Variants in ILDR2 observed in about 807,000 individuals in gnomAD.
ILDR2 encodes the protein immunoglobulin like domain containing receptor 2.
ILDR2 carries 25 observed loss-of-function variants against 66.8 expected under a neutral mutation model. That is an observed-to-expected ratio of 0.37 (90% CI 0.27 to 0.52). The LOEUF is 0.52. ILDR2 is among the 20% of genes least tolerant of loss of function. ILDR2 has a pLI of 0.88. For synonymous variants in ILDR2, 367 were observed against 357.2 expected, an observed-to-expected ratio of 1.03 and a Z score of -0.31; for missense variants, 827 against 876.8, an observed-to-expected ratio of 0.94 and a Z score of 0.72.
In ILDR2 at chr1:166,925,391, G is replaced by A. The variant is rs930836300; in HGVS notation, c.994+1676C>T. Among the ~76,000 whole-genome samples the A allele has an allele frequency of 3.9e-5, 6 of 152,176 alleles. No homozygotes were observed. The East Asian group carries it at 1.2e-3, about 29-fold the overall frequency. On this transcript the variant is annotated intron_variant, in intron 7 of 9. Transcript: ENST00000271417. Reference sequence around the variant, plus strand: ...AACTTGCAGGTTCCAGGAGATCAGGGTTCCAGTTCTGGCACTGGCACTGAG... The same window carrying A: ...AACTTGCAGGTTCCAGGAGATCAGGATTCCAGTTCTGGCACTGGCACTGAG...
At chr1:166,949,359 TCTAA>T (rs1345028074) in intron 3 of ILDR2, among the ~76,000 whole-genome samples, 5 of 152,406 alleles carry the variant, frequency 3.3e-5, no homozygotes, top group South Asian at 2.1e-4. Context: ...TGTATTGTTC[TCTAA>T]CTGCTTCAGA....
At position 166,921,162 on chromosome 1, in the gene ILDR2, A is replaced by G. The variant is rs1264707139; in HGVS notation, c.1429T>C (p.Tyr477His). The G allele has an allele frequency of 6.5e-7, 1 of 1,544,426 alleles. No homozygotes were observed. The highest frequency in any genetic ancestry group is 1.9e-5 in the Admixed American group (1 of 51,846). Residue 477 changes from tyrosine (Y) to histidine (H), a missense_variant, in exon 9 of 10, where the codon TAC (tyrosine) becomes CAC (histidine). This residue lies in a region of ILDR2 where 390 missense variants were observed against 353.6 expected (regional missense o/e 1.10). Coordinates refer to ENST00000271417, the MANE Select transcript of ILDR2 (RefSeq NM_199351.3). The surrounding 1 kb of genome is among the most constrained non-coding windows in gnomAD (Gnocchi z 5.3). ...CGGCTGCGGCTGCGCTGACCGTAGT[A>G]CTCCTCCAAGGAGTCGTCCTGGTAG... ...GFYQDDSLEE[Y>H]YGQRSRSREP...
At chr1:166,972,552 A>G (rs977100945) in intron 1 of ILDR2, among the ~76,000 whole-genome samples, 5 of 152,258 alleles carry the variant, frequency 3.3e-5, no homozygotes, top group African/African-American at 1.2e-4. Context: ...CAACATCACA[A>G]TGGCAATAAG....
chr1:166,896,091 TCTG>T (rs1659162330), exon 3 of ILDR2: 1 of 152,250 alleles, frequency 6.6e-6, no homozygotes, highest in African/African-American at 2.4e-5. Context: ...AGCTTCTGCT[TCTG>T]CTGTTTTCTG....
At position 166,915,527 on chromosome 1, in the gene ILDR2, T is replaced by G. The variant is rs371092701; in HGVS notation, c.*3828A>C. ...ACAGCAGCTATCAAGTTAATTCTTG[T>G]GGTTAGGCAATTTTGGGAAACACTA... is the stretch of plus-strand genomic sequence containing the variant. On this transcript the variant is annotated 3_prime_UTR_variant, in exon 10 of 10. Coordinates refer to ENST00000271417, the MANE Select transcript of ILDR2 (RefSeq NM_199351.3). 6.6e-6 allele frequency: 1 copy of G among 152,200 alleles called. No homozygotes were observed. Among genetic ancestry groups the G allele is most frequent in the Non-Finnish European group, 1.5e-5 (1 of 68,040 alleles). 9.4% of individuals were successfully genotyped at this position (152,200 alleles called of 1,614,324 possible).
rs1660950403 is a variant in ILDR2 at position 166,936,008 on chromosome 1, T to C, written c.704-531A>G. On this transcript the variant is annotated intron_variant, in intron 5 of 9. Coordinates refer to ENST00000271417, the MANE Select transcript of ILDR2 (RefSeq NM_199351.3). The surrounding 1 kb of genome is among the most constrained non-coding windows in gnomAD (Gnocchi z 5.0). ...ACACTAAAGATAACTGGTGTGCCTC[T>C]CTCTTTCAAGATGTGTTTGGTTTAT... 6.6e-6 allele frequency among the ~76,000 whole-genome samples: 1 copy of C among 152,224 alleles called. No individual in the cohort carries two copies. Among genetic ancestry groups the C allele is most frequent in the Admixed American group, 6.5e-5 (1 of 15,292 alleles).
Position 166,909,525 on chromosome 1 carries a change from G to C in ILDR2, c.*9830C>G, listed in dbSNP as rs1571258014. 6.6e-6 allele frequency: 1 copy of C among 151,608 alleles called. No homozygotes were observed. Among genetic ancestry groups the C allele is most frequent in the South Asian group, 2.1e-4 (1 of 4,798 alleles). The allele number at this position is 151,608 out of a possible 1,614,324, so 9.4% of individuals were successfully genotyped here. A position where few individuals can be genotyped will look rare whatever the true frequency, so the allele number is the denominator to read the frequency against. On this transcript the variant is annotated 3_prime_UTR_variant, in exon 10 of 10. Coordinates refer to ENST00000271417, the MANE Select transcript of ILDR2 (RefSeq NM_199351.3). ...CAAAAATTTTTTTACTAATACAGCT[G>C]CCAAAGGAATGAAACATAAGAGGCT...
At chr1:166,906,276 A>T (rs149812792), downstream of ILDR2, among the ~76,000 whole-genome samples, 1 of 152,362 alleles carries the variant, frequency 6.6e-6, no homozygotes, top group East Asian at 1.9e-4. Flanking sequence ...GGGCAACCAG[A>T]CACAAAAATA....
intron 2 of ILDR2, among the ~76,000 whole-genome samples, chr1:166,901,997 A>T (rs184463959): frequency 1.2e-4 from 19 of 152,292 alleles, no homozygotes; most frequent in Admixed American, 3.3e-4. Flanking sequence ...AGTAGCAGGG[A>T]TTACAGGCAT....
chr1:166,920,949 G>A lies in ILDR2; in HGVS notation c.1642C>T (p.Leu548=), dbSNP rs774849465. ...GCGCTCCGCTTGGATGGCGTCTCCA[G>A]GCTGCCACCGCGGCTGGCGCCCTCG... The part of the protein sequence containing the change: ...RPEGASRGGS[L]ETPSKRSAQL... Residue 548 remains leucine, a synonymous_variant, in exon 9 of 10, where the codon CTG becomes TTG. Transcript: ENST00000271417. 1.0e-5 allele frequency: 15 copies of A among 1,483,780 alleles called. No homozygotes were observed. Among genetic ancestry groups the A allele is most frequent in the Non-Finnish European group, 1.3e-5 (15 of 1,126,958 alleles). The allele number at this position is 1,483,780 out of a possible 1,614,324, so 91.9% of individuals were successfully genotyped here.
chr1:166,911,405 T>C lies in ILDR2; in HGVS notation c.*7950A>G, dbSNP rs1311388072. ...TTGCTGTGTATATATAGAGTCATTA[T>C]GGAGAAATGTAAGGCAGATAAGGAG... On this transcript the variant is annotated 3_prime_UTR_variant, in exon 10 of 10. Transcript: ENST00000271417. The C allele has an allele frequency of 6.6e-6, 1 of 152,206 alleles. No individual in the cohort carries two copies. The highest frequency in any genetic ancestry group is 2.4e-5 in the African/African-American group (1 of 41,452). 9.4% of individuals were successfully genotyped at this position (152,206 alleles called of 1,614,324 possible).
chr1:166,906,428 T>C (rs1178369458), downstream of ILDR2, among the ~76,000 whole-genome samples: 1 of 152,006 alleles, frequency 6.6e-6, no homozygotes, highest in Non-Finnish European at 1.5e-5. Flanking sequence ...AAAATGTATG[T>C]AAGAAAGTGC....
Position 166,968,909 on chromosome 1 carries a change from T to C in ILDR2, c.46+6314A>G, listed in dbSNP as rs115676811. On this transcript the variant is annotated intron_variant, in intron 1 of 9. Coordinates refer to ENST00000271417, the MANE Select transcript of ILDR2 (RefSeq NM_199351.3). The stretch of plus-strand genomic sequence containing the variant: ...AGCTGACTACAGGTCTCATATAATA[T>C]GAGCAAGAACTAAGTGTATGTTGTA... 2.2e-3 allele frequency among the ~76,000 whole-genome samples: 342 copies of C among 152,232 alleles called. 1 individual carries two copies. The highest frequency in any genetic ancestry group is 2.9e-3 in the Non-Finnish European group (197 of 68,022).
rs1354073502 is a variant in ILDR2, at chr1:166,921,329, C to G, written c.1262G>C (p.Gly421Ala). Residue 421 changes from glycine (G) to alanine (A), a missense_variant, in exon 9 of 10, where the codon GGG becomes GCG. This residue lies in a region of ILDR2 where 390 missense variants were observed against 353.6 expected (regional missense o/e 1.10). Transcript: ENST00000271417. The surrounding 1 kb of genome is among the most constrained non-coding windows in gnomAD (Gnocchi z 5.3). ...EMLSRKNFAT[G>A]VPAVSMDELA... is the part of the protein sequence containing the mutation. ...CTCGTCCATGGAAACGGCCGGCACC[C>G]CCGTGGCGAAGTTCTTCCGCGACAG... is the stretch of plus-strand genomic sequence containing the variant. 6.3e-7 allele frequency: 1 copy of G among 1,586,352 alleles called. No individual in the cohort carries two copies. Among genetic ancestry groups the G allele is most frequent in the Admixed American group, 1.7e-5 (1 of 58,474 alleles).
rs373108107 is a variant in ILDR2, at chr1:166,927,043, C to T, written c.994+24G>A. The T allele has an allele frequency of 7.2e-6, 11 of 1,538,442 alleles. No homozygotes were observed. The African/African-American group carries it at 1.2e-4, about 17-fold the overall frequency. ...ACTAACTCCTGCATAATGCACAGAT[C>T]ACAGAAAACTAACAGATGCTCACAT... is the stretch of plus-strand genomic sequence containing the variant. On this transcript the variant is annotated intron_variant, in intron 7 of 9. Coordinates refer to ENST00000271417, the MANE Select transcript of ILDR2 (RefSeq NM_199351.3).
At chr1:166,942,875 C>T (rs541147177) in intron 3 of ILDR2, among the ~76,000 whole-genome samples, 68 of 152,292 alleles carry the variant, frequency 4.5e-4, no homozygotes, top group South Asian at 2.3e-3. Flanking sequence ...TTACTTTAGA[C>T]TTTTTTACTT....
rs1034401050 is a variant in ILDR2, at chr1:166,914,464, C to T, written c.*4891G>A. On this transcript the variant is annotated 3_prime_UTR_variant, in exon 10 of 10. Transcript: ENST00000271417. ...AGACAAGTCACTTAGTATTTTTCAA[C>T]CTCAGTTTTACATTCTATGTAATGA... 1.3e-5 allele frequency: 2 copies of T among 152,198 alleles called. No homozygotes were observed. Among genetic ancestry groups the T allele is most frequent in the South Asian group, 4.1e-4 (2 of 4,830 alleles). The allele number at this position is 152,198 out of a possible 1,614,324, so 9.4% of individuals were successfully genotyped here. A position where few individuals can be genotyped will look rare whatever the true frequency, so the allele number is the denominator to read the frequency against.
In ILDR2 at chr1:166,911,049, A is replaced by C. The variant is rs1277966443; in HGVS notation, c.*8306T>G. The C allele has an allele frequency of 6.6e-6, 1 of 152,194 alleles. No homozygotes were observed. Among genetic ancestry groups the C allele is most frequent in the Non-Finnish European group, 1.5e-5 (1 of 68,050 alleles). 9.4% of individuals were successfully genotyped at this position (152,194 alleles called of 1,614,324 possible). ...ACTGTTGGGATTTCAGGTGTGAGCC[A>C]CAGGGCCCGGCCTTCCTTGCCTCTT... is the stretch of plus-strand genomic sequence containing the variant. On this transcript the variant is annotated 3_prime_UTR_variant, in exon 10 of 10. Transcript: ENST00000271417.
At chr1:166,901,954 G>A (rs1326386592) in intron 2 of ILDR2, among the ~76,000 whole-genome samples, 13 of 152,198 alleles carry the variant, frequency 8.5e-5, no homozygotes, top group African/African-American at 2.2e-4. Flanking sequence ...TCCGCCTCCC[G>A]GGTTCAGGCG....
Sources: gnomAD v4.1 joint callset for allele counts (sites outside exome capture counted in the v4.1 genomes callset) on GRCh38, gnomAD v4.1.1 for gene constraint, gnomAD v4.1.1 regional missense constraint, Gnocchi (gnomAD v3.1) non-coding constraint, MANE v1.5 for transcripts, NCBI Gene and HGNC (gene_info 2026-07-23, HGNC 2026-07-21) for gene names.